LAMA2: variants seen among roughly 807,000 people sequenced by gnomAD.
LAMA2 encodes laminin subunit alpha-2.
A neutral mutation model predicts 364.8 loss-of-function variants in LAMA2; 269 were observed. The observed-to-expected ratio is 0.74, with a 90% CI of 0.67 to 0.82. The LOEUF (loss-of-function observed/expected upper bound fraction) is 0.82, where lower values mean the gene tolerates loss of function less well. Among genes scored for constraint, LAMA2 ranks in the 40% least tolerant of loss-of-function variants. LAMA2 has a pLI of 0.00. For missense variants in LAMA2, 3,807 were observed against 3,873.2 expected, an observed-to-expected ratio of 0.98 and a Z score of 0.45; for synonymous variants, 1,379 against 1,370.6, an observed-to-expected ratio of 1.01 and a Z score of -0.14.
At chr6:129,065,034 A>G (rs1001076946) in intron 3 of LAMA2, among the ~76,000 whole-genome samples, 1 of 152,212 alleles carries the variant, frequency 6.6e-6, no homozygotes, top group African/African-American at 2.4e-5. Context: ...AACCAAATTC[A>G]GCAGCACATT....
chr6:129,051,797 C>G (rs1350929517), intron 2 of LAMA2, among the ~76,000 whole-genome samples: 1 of 151,034 alleles, frequency 6.6e-6, no homozygotes, highest in Non-Finnish European at 1.5e-5. Flanking sequence ...GATGATAAAG[C>G]CTGATGGAGG....
At chr6:129,032,335 G>GT (rs1391654017) in intron 1 of LAMA2, among the ~76,000 whole-genome samples, 1 of 152,160 alleles carries the variant, frequency 6.6e-6, no homozygotes, top group Non-Finnish European at 1.5e-5. Flanking sequence ...AGAATTAGGG[G>GT]CTGTAATGAA....
In LAMA2 at chr6:129,505,293, G is replaced by A. The variant is rs1785967981; in HGVS notation, c.8641G>A (p.Val2881Ile). 3 of 1,613,978 alleles carry A rather than the reference G, an allele frequency of 1.9e-6. No homozygotes were observed. The highest frequency in any genetic ancestry group is 2.5e-6 in the Non-Finnish European group (3 of 1,179,850). The stretch of plus-strand genomic sequence containing the variant: ...TCCCAAAAAAGCCGACATCCTGGAT[G>A]TCGTGGGAATGCTGTATGTTGGTGG... ...ISPKKADILD[V>I]VGMLYVGGLP... Residue 2881 changes from valine to isoleucine, a missense_variant, in exon 61 of 65, where the codon GTC becomes ATC. Around this residue, in one of 3 missense-constraint regions of LAMA2, gnomAD observed 3,333 missense variants for 3,345.7 expected, o/e 1.00. Transcript: ENST00000421865.
chr6:129,201,340 G>C (rs1426524530), intron 12 of LAMA2, among the ~76,000 whole-genome samples: 1 of 152,184 alleles, frequency 6.6e-6, no homozygotes, highest in African/African-American at 2.4e-5. Flanking sequence ...AGAGGAACCT[G>C]ACCTGCACAG....
intron 58 of LAMA2, among the ~76,000 whole-genome samples, chr6:129,500,702 TA>T (rs548600498): frequency 4.9e-4 from 75 of 152,116 alleles, no homozygotes; most frequent in Admixed American, 5.9e-4. Context: ...AACAACAAAA[TA>T]AAAACAAACC....
intron 12 of LAMA2, among the ~76,000 whole-genome samples, chr6:129,208,373 G>C (rs995164858): frequency 6.6e-6 from 1 of 151,982 alleles, no homozygotes; most frequent in Non-Finnish European, 1.5e-5. Context: ...TTTGGTATTA[G>C]CTATTATTAT....
At chr6:129,391,423 G>T in intron 35 of LAMA2, 68 bp from the exon 36 acceptor site, 16 of 1,318,962 alleles carry the variant, frequency 1.2e-5, no homozygotes, top group Non-Finnish European at 1.8e-5. Flanking sequence ...CCCAGCAGAT[G>T]CTGAATACCA....
intron 1 of LAMA2, among the ~76,000 whole-genome samples, chr6:129,043,265 T>C (rs146093753): frequency 1.5e-4 from 23 of 152,336 alleles, no homozygotes; most frequent in African/African-American, 5.3e-4. Context: ...TTCTTTATTA[T>C]AGTTGTCATA....
At chr6:129,215,590 AT>A (rs1165530763) in intron 12 of LAMA2, among the ~76,000 whole-genome samples, 1 of 151,924 alleles carries the variant, frequency 6.6e-6, no homozygotes, top group Non-Finnish European at 1.5e-5. Context: ...ATAAATAAAT[AT>A]TTATTTATTT....
chr6:128,910,675 G>T (rs1223183232), intron 1 of LAMA2, among the ~76,000 whole-genome samples: 2 of 152,162 alleles, frequency 1.3e-5, no homozygotes, highest in African/African-American at 4.8e-5. Flanking sequence ...TTCTGTTGTT[G>T]GTGAGGAACT....
intron 8 of LAMA2, chr6:129,158,071 C>T: frequency 1.2e-6 from 2 of 1,612,200 alleles, no homozygotes; most frequent in South Asian, 1.1e-5. Context: ...CCTTGGGTGC[C>T]ATACGTTTCT....
At chr6:129,166,822 T>G (rs900231631) in intron 9 of LAMA2, among the ~76,000 whole-genome samples, 1 of 152,178 alleles carries the variant, frequency 6.6e-6, no homozygotes, top group African/African-American at 2.4e-5. Context: ...ATATTGCTCC[T>G]CTTAACTTTA....
In LAMA2 at chr6:129,516,109, T is replaced by TAACA. The variant is rs374399794; in HGVS notation, c.9212-80_9212-77dup. ...ACAGCATTCCAATTTAATCTCAAGCTAACAGTTGACTTTGAAACATGCTCT... is the reference window on the plus strand; with the variant it reads ...ACAGCATTCCAATTTAATCTCAAGCTAACAAACAGTTGACTTTGAAACATGCTCT... On this transcript the variant is annotated intron_variant, in intron 64 of 64. Coordinates refer to ENST00000421865, the MANE Select transcript of LAMA2 (RefSeq NM_000426.4). 543 of 1,458,678 alleles carry TAACA rather than the reference T, an allele frequency of 3.7e-4. No homozygotes were observed. In the African/African-American group the frequency reaches 6.7e-3, roughly 18 times the overall value. 90.4% of individuals were successfully genotyped at this position (1,458,678 alleles called of 1,614,324 possible). A position where few individuals can be genotyped will look rare whatever the true frequency, so the allele number is the denominator to read the frequency against.
chr6:128,933,732 A>T (rs563138648), intron 1 of LAMA2, among the ~76,000 whole-genome samples: 1 of 152,080 alleles, frequency 6.6e-6, no homozygotes. Flanking sequence ...TTTTGGAAAC[A>T]TGTCTATTTT....
intron 9 of LAMA2, among the ~76,000 whole-genome samples, chr6:129,165,895 G>A (rs1246303954): frequency 6.6e-6 from 1 of 152,048 alleles, no homozygotes; most frequent in African/African-American, 2.4e-5. Flanking sequence ...AAGAAGAGTT[G>A]AATTATGTAT....
At chr6:129,225,882 A>G (rs955757843) in intron 12 of LAMA2, among the ~76,000 whole-genome samples, 8 of 152,040 alleles carry the variant, frequency 5.3e-5, no homozygotes, top group Non-Finnish European at 7.4e-5. Flanking sequence ...CAATTCCTGG[A>G]TATCCTTGTT....
At chr6:129,404,474 A>G (rs1166727308) in intron 40 of LAMA2, among the ~76,000 whole-genome samples, 1 of 152,164 alleles carries the variant, frequency 6.6e-6, no homozygotes, top group Admixed American at 6.5e-5. Context: ...TTTGGCTACA[A>G]TCATTGTTCG....
intron 2 of LAMA2, among the ~76,000 whole-genome samples, chr6:129,055,334 C>T (rs772636152): frequency 5.3e-4 from 81 of 151,800 alleles, no homozygotes; most frequent in Middle Eastern, 3.4e-3. Flanking sequence ...TGGGACTACA[C>T]GCGTGTGCCA....
intron 1 of LAMA2, among the ~76,000 whole-genome samples, chr6:128,988,189 A>G (rs1783388072): frequency 6.6e-6 from 1 of 152,172 alleles, no homozygotes; most frequent in Non-Finnish European, 1.5e-5. Context: ...TTAAAAGGCA[A>G]AGCAATTGAA....
Sources: allele counts gnomAD v4.1 joint callset (sites outside exome capture counted in the v4.1 genomes callset), GRCh38; gene constraint gnomAD v4.1.1; regional missense constraint gnomAD v4.1.1; transcripts MANE v1.5; gene names NCBI Gene and HGNC (gene_info 2026-07-23, HGNC 2026-07-21).